PRSS41: variants seen among roughly 807,000 people sequenced by gnomAD.
The protein encoded by PRSS41 is serine protease 41.
Under a neutral mutation model 28.8 loss-of-function variants are expected in PRSS41, and 37 were observed. The ratio of observed to expected loss-of-function variants is 1.29; its 90% CI spans 0.99 to 1.69. The LOEUF (loss-of-function observed/expected upper bound fraction) is 1.69. Among genes scored for constraint, PRSS41 ranks in the 40% most tolerant of loss-of-function variants. The pLI is 0.00. For synonymous variants in PRSS41, 195 were observed against 163.1 expected (o/e 1.20, Z -1.49); for missense variants, 431 against 400.7 (o/e 1.08, Z -0.65).
At chr16:2,801,740 C>T (rs945237169) in intron 4 of PRSS41, among the ~76,000 whole-genome samples, 37 of 152,178 alleles carry the variant, frequency 2.4e-4, no homozygotes, top group Non-Finnish European at 1.5e-5. Flanking sequence ...ATGTCTACCT[C>T]TTTCTACACA....
intron 4 of PRSS41, among the ~76,000 whole-genome samples, chr16:2,803,416 T>C (rs1184412794): frequency 6.6e-6 from 1 of 152,116 alleles, no homozygotes; most frequent in Non-Finnish European, 1.5e-5. Context: ...CTAACTTAGC[T>C]TCAACAGTAT....
At position 2,802,666 on chromosome 16, in the gene PRSS41, G is replaced by T. The variant is rs1250887875; in HGVS notation, c.542-1723G>T. Among the ~76,000 whole-genome samples, 4 of 152,240 alleles carry T rather than the reference G, an allele frequency of 2.6e-5. No homozygotes were observed. The East Asian group carries it at 7.7e-4, about 29-fold the overall frequency. ...AGGCCGAGGCTGGCGGATCACTCGC[G>T]GTTAGGGGCTGGAGACCGGCCCGGC... On this transcript the variant is annotated intron_variant, in intron 4 of 5. Coordinates refer to ENST00000399677, the Ensembl canonical transcript of PRSS41.
chr16:2,801,258 A>G (rs930586505), intron 4 of PRSS41, among the ~76,000 whole-genome samples: 2 of 151,956 alleles, frequency 1.3e-5, no homozygotes, highest in Non-Finnish European at 2.9e-5. Context: ...GTTGTTAGGT[A>G]TGAAGATATT....
Position 2,798,650 on chromosome 16 carries a change from G to T in PRSS41, c.79G>T (p.Glu27Ter). ...GTGTCCTGCAGAGTCGCAGGAGGAG[G>T]AGCTGTTGTCAGGTAGGGCGCCCAG... The change falls in exon 2 of 6, where the codon GAG (glutamate) becomes TAG (stop). Residue 27 changes from glutamate to a stop codon, truncating the protein, a stop_gained. Transcript: ENST00000399677. LOFTEE classifies it high-confidence loss of function. 2 of 1,488,810 alleles carry T rather than the reference G, an allele frequency of 1.3e-6. No individual in the cohort carries two copies. The highest frequency in any genetic ancestry group is 8.9e-7 in the Non-Finnish European group (1 of 1,123,464). 92.2% of individuals were successfully genotyped at this position (1,488,810 alleles called of 1,614,324 possible). A position where few individuals can be genotyped will look rare whatever the true frequency, so the allele number is the denominator to read the frequency against.
chr16:2,799,660 C>T (rs2068974078), intron 4 of PRSS41, 91 bp downstream of exon 4: 5 of 1,379,290 alleles, frequency 3.6e-6, no homozygotes, highest in Non-Finnish European at 3.9e-6. Flanking sequence ...CACAGCAGCC[C>T]CCTCCTTGGT....
At chr16:2,803,184 T>G (rs2069001033) in intron 4 of PRSS41, among the ~76,000 whole-genome samples, 1 of 152,230 alleles carries the variant, frequency 6.6e-6, no homozygotes. Flanking sequence ...ACTTCTGCCA[T>G]TTTGTTACTT....
intron 4 of PRSS41, among the ~76,000 whole-genome samples, chr16:2,800,912 A>G (rs895473531): frequency 6.6e-6 from 1 of 152,130 alleles, no homozygotes; most frequent in South Asian, 2.1e-4. Context: ...TCCTTTTTCT[A>G]TGAGCTTTTT....
chr16:2,798,830 G>C (rs986220812), intron 2 of PRSS41, 129 bp from the exon 3 acceptor site: 60 of 1,244,690 alleles, frequency 4.8e-5, no homozygotes, highest in Non-Finnish European at 5.9e-5. Context: ...GGTCCCTAGC[G>C]TCACCTTCTT....
exon 6 of PRSS41, chr16:2,805,291 G>C: frequency 1.6e-6 from 1 of 622,698 alleles, no homozygotes; most frequent in Non-Finnish European, 2.8e-6. Flanking sequence ...TAATAAATAC[G>C]TGTGCATGTT....
chr16:2,799,348 G>A lies in PRSS41; in HGVS notation c.320G>A (p.Trp107Ter), dbSNP rs1284011169. The A allele has an allele frequency of 1.9e-6, 3 of 1,551,642 alleles. No individual in the cohort carries two copies. The highest frequency in any genetic ancestry group is 2.7e-5 in the African/African-American group (2 of 73,046). Residue 107 changes from tryptophan to a stop codon, truncating the protein, a stop_gained, in exon 4 of 6, where the codon TGG (tryptophan) becomes TAG (stop). Coordinates refer to ENST00000399677, the Ensembl canonical transcript of PRSS41. LOFTEE classifies it high-confidence loss of function. ...GAGCTGACTTCCAGGCCAACTCCTTGGAACCTGCGGGCCTACAGCAGTCGT... is the reference window on the plus strand; with the variant it reads ...GAGCTGACTTCCAGGCCAACTCCTTAGAACCTGCGGGCCTACAGCAGTCGT...
intron 4 of PRSS41, among the ~76,000 whole-genome samples, chr16:2,803,519 C>G (rs910984734): frequency 5.9e-5 from 9 of 152,062 alleles, no homozygotes; most frequent in African/African-American, 1.9e-4. Flanking sequence ...TAACCTTTAA[C>G]CTAGATTTAT....
intron 4 of PRSS41, among the ~76,000 whole-genome samples, chr16:2,802,789 CAGGGAGGT>C (rs2068998325): frequency 6.6e-6 from 1 of 151,832 alleles, no homozygotes; most frequent in South Asian, 2.1e-4. Context: ...GAGAATCAGG[CAGGGAGGT>C]TGCAGTGAGC....
At chr16:2,802,675 C>A (rs1488112925) in intron 4 of PRSS41, among the ~76,000 whole-genome samples, 3 of 152,234 alleles carry the variant, frequency 2.0e-5, no homozygotes, top group Non-Finnish European at 4.4e-5. Context: ...CGGTTAGGGG[C>A]TGGAGACCGG....
At chr16:2,803,847 T>G (rs1277635304) in intron 4 of PRSS41, among the ~76,000 whole-genome samples, 3 of 152,252 alleles carry the variant, frequency 2.0e-5, no homozygotes, top group African/African-American at 4.8e-5. Flanking sequence ...TTGCTGAGGA[T>G]CCCTTGTCCT....
chr16:2,802,060 G>A (rs1409658683), intron 4 of PRSS41, among the ~76,000 whole-genome samples: 1 of 147,726 alleles, frequency 6.8e-6, no homozygotes, highest in Non-Finnish European at 1.5e-5. Context: ...TGGCTGCCGG[G>A]CGGAGATGCT....
chr16:2,804,874 C>T (rs1266620325), intron 5 of PRSS41, 40 bp from the exon 6 acceptor site: 1 of 1,499,150 alleles, frequency 6.7e-7, no homozygotes, highest in Non-Finnish European at 9.1e-7. Flanking sequence ...CTGCCCCACC[C>T]ACTCTGCCCC....
chr16:2,803,243 T>A (rs1375842852), intron 4 of PRSS41, among the ~76,000 whole-genome samples: 1 of 152,214 alleles, frequency 6.6e-6, no homozygotes, highest in Non-Finnish European at 1.5e-5. Context: ...ATTTTTTATT[T>A]CTTTTGTTTC....
chr16:2,805,238 AC>A, exon 6 of PRSS41: 2 of 842,124 alleles, frequency 2.4e-6, no homozygotes, highest in Non-Finnish European at 3.7e-6. Flanking sequence ...CAGGGTTGGG[AC>A]TGCCTGCTGG....
chr16:2,805,281 T>G, exon 6 of PRSS41: 1 of 637,142 alleles, frequency 1.6e-6, no homozygotes, highest in Non-Finnish European at 2.7e-6. Context: ...TCTCGTTTGC[T>G]AATAAATACG....
Sources: allele counts gnomAD v4.1 joint callset (sites outside exome capture counted in the v4.1 genomes callset), GRCh38; gene constraint gnomAD v4.1.1; transcripts MANE v1.5; gene names NCBI Gene and HGNC (gene_info 2026-07-23, HGNC 2026-07-21).